Variants in ATL2 observed in about 807,000 individuals in gnomAD.
ATL2 encodes atlastin-2.
ATL2 carries 31 observed loss-of-function variants against 73.9 expected under a neutral mutation model. The observed-to-expected ratio is 0.42, with a 90% CI of 0.32 to 0.57. The LOEUF (loss-of-function observed/expected upper bound fraction) is 0.57. Ranked by LOEUF, ATL2 falls within the 20% of genes least tolerant of loss-of-function variation. The pLI, the probability that ATL2 is intolerant of heterozygous loss-of-function variation, is 0.14. For missense variants in ATL2, 738 were observed against 702.6 expected (o/e 1.05, Z -0.57); for synonymous variants, 291 against 237.5 (o/e 1.23, Z -2.07).
At chr2:38,368,330 T>C (rs1370444423) in intron 1 of ATL2, among the ~76,000 whole-genome samples, 1 of 146,954 alleles carries the variant, frequency 6.8e-6, no homozygotes, top group East Asian at 2.0e-4. Context: ...TCAGTTCACC[T>C]CAACCTCCAC....
chr2:38,353,850 T>C (rs1349873348), intron 1 of ATL2, among the ~76,000 whole-genome samples: 1 of 152,196 alleles, frequency 6.6e-6, no homozygotes, highest in Admixed American at 6.5e-5. Context: ...TAGACTTTTA[T>C]ATTCAGTGAA....
intron 9 of ATL2, among the ~76,000 whole-genome samples, chr2:38,305,813 C>T (rs1333178812): frequency 6.6e-6 from 1 of 151,372 alleles, no homozygotes; most frequent in Non-Finnish European, 1.5e-5. Flanking sequence ...GTAATAAGTG[C>T]CTACATCAAA....
intron 2 of ATL2, among the ~76,000 whole-genome samples, chr2:38,342,575 A>G (rs923201699): frequency 1.3e-5 from 2 of 152,210 alleles, no homozygotes; most frequent in African/African-American, 4.8e-5. Context: ...AAGGAACTGG[A>G]CTTTATCTCC....
chr2:38,304,910 G>A (rs1667368978), intron 9 of ATL2, among the ~76,000 whole-genome samples: 1 of 152,002 alleles, frequency 6.6e-6, no homozygotes, highest in African/African-American at 2.4e-5. Context: ...AATGACAGAG[G>A]TTAACTCCTT....
intron 1 of ATL2, among the ~76,000 whole-genome samples, chr2:38,357,262 AG>A (rs1670720279): frequency 6.6e-6 from 1 of 152,134 alleles, no homozygotes; most frequent in Non-Finnish European, 1.5e-5. Context: ...CAGGAGGCAG[AG>A]GTTGCAGAGA....
intron 2 of ATL2, among the ~76,000 whole-genome samples, chr2:38,329,736 G>C (rs749769479): frequency 6.6e-6 from 1 of 151,966 alleles, no homozygotes; most frequent in African/African-American, 2.4e-5. Context: ...TGTACAAAAA[G>C]AATTACACAC....
chr2:38,376,191 A>G (rs1671952684), intron 1 of ATL2: 5 of 1,521,892 alleles, frequency 3.3e-6, no homozygotes, highest in Non-Finnish European at 4.4e-6. Flanking sequence ...AAAATTTTCA[A>G]TCAGGATTTC....
intron 1 of ATL2, among the ~76,000 whole-genome samples, chr2:38,346,047 C>T (rs1042419014): frequency 6.6e-6 from 1 of 152,236 alleles, no homozygotes; most frequent in African/African-American, 2.4e-5. Flanking sequence ...GTGATTTTCA[C>T]TTGACCAGTG....
chr2:38,371,157 T>C (rs1671667097), intron 1 of ATL2, among the ~76,000 whole-genome samples: 1 of 151,778 alleles, frequency 6.6e-6, no homozygotes, highest in Admixed American at 6.6e-5. Context: ...TAGAAGGCTT[T>C]CAAATTTCTA....
chr2:38,300,793 A>G (rs1667144874), intron 9 of ATL2, among the ~76,000 whole-genome samples: 1 of 151,856 alleles, frequency 6.6e-6, no homozygotes, highest in South Asian at 2.1e-4. Flanking sequence ...TGAAACTACA[A>G]GGTGTGTGCC....
intron 4 of ATL2, among the ~76,000 whole-genome samples, chr2:38,317,735 C>T (rs564104629): frequency 5.9e-5 from 9 of 151,898 alleles, no homozygotes; most frequent in Non-Finnish European, 1.2e-4. Flanking sequence ...ATATACTCTC[C>T]ATATTACTGT....
intron 1 of ATL2, among the ~76,000 whole-genome samples, chr2:38,357,386 C>G (rs932000616): frequency 1.3e-5 from 2 of 150,730 alleles, no homozygotes; most frequent in African/African-American, 4.9e-5. Context: ...GTTTAATATA[C>G]TTATGATTTA....
intron 1 of ATL2, chr2:38,354,053 G>C (rs1026481430): frequency 3.3e-6 from 1 of 300,728 alleles, no homozygotes; most frequent in African/African-American, 2.4e-5. Context: ...ATTAGCCGGC[G>C]TGGTGGCACG....
At chr2:38,309,621 G>A (rs1456167803) in intron 8 of ATL2, 115 bp from the exon 9 acceptor site, 4 of 1,041,504 alleles carry the variant, frequency 3.8e-6, no homozygotes, top group East Asian at 5.4e-5. Flanking sequence ...TATTACTGAA[G>A]TGGATTCATT....
intron 9 of ATL2, among the ~76,000 whole-genome samples, chr2:38,307,910 T>C: frequency 6.6e-6 from 1 of 152,178 alleles, no homozygotes; most frequent in Non-Finnish European, 1.5e-5. Flanking sequence ...AAAGATATCA[T>C]CTTTCTCCAT....
rs55964015 is a variant in ATL2, at chr2:38,370,448, CAAAAAAAAAAAAA to C, written c.118+6682_118+6694del. Among the ~76,000 whole-genome samples, 74 of 55,214 alleles carry C rather than the reference CAAAAAAAAAAAAA, an allele frequency of 1.3e-3. 1 individual carries two copies. The East Asian group carries it at 0.024, about 18-fold the overall frequency. The allele number at this position is 55,214 out of a possible 152,430, so 36.2% of individuals were successfully genotyped here. On this transcript the variant is annotated intron_variant, in intron 1 of 12. Transcript: ENST00000378954. ...TGGGAGACAGAGTGAGACTCTGTCC[CAAAAAAAAAAAAA>C]AAAAAAAAAAAAAAAAAAAAATCAA...
chr2:38,326,337 T>A (rs1006406670), intron 2 of ATL2, among the ~76,000 whole-genome samples: 1 of 152,204 alleles, frequency 6.6e-6, no homozygotes, highest in South Asian at 2.1e-4. Flanking sequence ...TAGATTAACA[T>A]ATAACCTCAT....
intron 1 of ATL2, among the ~76,000 whole-genome samples, chr2:38,347,534 G>GT (rs891747665): frequency 6.6e-6 from 1 of 152,012 alleles, no homozygotes; most frequent in Non-Finnish European, 1.5e-5. Context: ...TTTATTCATA[G>GT]TTTTTTTCAA....
intron 2 of ATL2, among the ~76,000 whole-genome samples, chr2:38,329,766 C>T (rs989859105): frequency 6.6e-6 from 1 of 152,132 alleles, no homozygotes; most frequent in African/African-American, 2.4e-5. Flanking sequence ...GTGGGATTTA[C>T]TCCAGGAATG....
Sources: allele counts gnomAD v4.1 joint callset (sites outside exome capture counted in the v4.1 genomes callset), GRCh38; gene constraint gnomAD v4.1.1; transcripts MANE v1.5; gene names NCBI Gene and HGNC (gene_info 2026-07-23, HGNC 2026-07-21).